The following DST variants were observed in gnomAD, a reference collection of about 807,000 sequenced individuals.
The protein encoded by DST is dystonin, also known as bullous pemphigoid antigen.
A neutral mutation model predicts 875.2 loss-of-function variants in DST; 253 were observed. The observed-to-expected ratio is 0.29, with a 90% CI of 0.26 to 0.32. DST has a LOEUF of 0.32. DST is among the 10% of genes least tolerant of loss of function. DST has a pLI of 1.00. For synonymous variants in DST, 3,124 were observed against 3,197.1 expected (o/e 0.98, Z 0.77); for missense variants, 8,287 against 9,111.6 (o/e 0.91, Z 3.68).
chr6:56,785,012 G>GT (rs1250800834), intron 4 of DST, among the ~76,000 whole-genome samples: 1 of 152,160 alleles, frequency 6.6e-6, no homozygotes. Flanking sequence ...GTTTGCCTGG[G>GT]TATCAGCGGC....
chr6:56,720,706 G>T (rs1208715396), intron 5 of DST, among the ~76,000 whole-genome samples: 4 of 152,184 alleles, frequency 2.6e-5, no homozygotes, highest in African/African-American at 7.2e-5. Flanking sequence ...CAAGGCAGAA[G>T]AATTTTTCTT....
intron 3 of DST, among the ~76,000 whole-genome samples, chr6:56,875,558 T>C (rs552905742): frequency 1.7e-4 from 26 of 152,338 alleles, no homozygotes; most frequent in South Asian, 1.4e-3. Context: ...GTTCCAAGCT[T>C]CTTATTTTGG....
intron 36 of DST, chr6:56,618,719 A>G: frequency 6.2e-7 from 1 of 1,613,932 alleles, no homozygotes; most frequent in Non-Finnish European, 8.5e-7. Context: ...AATGCCTGAA[A>G]TATCATTTTC....
At chr6:56,859,684 C>T (rs1265787459) in intron 3 of DST, among the ~76,000 whole-genome samples, 1 of 152,098 alleles carries the variant, frequency 6.6e-6, no homozygotes, top group African/African-American at 2.4e-5. Flanking sequence ...AAAAATATGT[C>T]TTAAGTACCT....
chr6:56,534,950 C>T (rs2096967301), intron 63 of DST, among the ~76,000 whole-genome samples, 172 bp downstream of exon 63: 1 of 152,176 alleles, frequency 6.6e-6, no homozygotes, highest in Non-Finnish European at 1.5e-5. Flanking sequence ...CAAGGCCTGG[C>T]CCATGGTAGA....
At chr6:56,531,047 T>G (rs1246421423) in intron 64 of DST, among the ~76,000 whole-genome samples, 5 of 152,160 alleles carry the variant, frequency 3.3e-5, no homozygotes, top group African/African-American at 1.2e-4. Flanking sequence ...CTATAACATA[T>G]CACAATGCAC....
intron 4 of DST, among the ~76,000 whole-genome samples, chr6:56,778,227 T>C (rs987207776): frequency 6.6e-6 from 1 of 151,936 alleles, no homozygotes; most frequent in Admixed American, 6.6e-5. Context: ...AGCAACACCA[T>C]GAATTAGGAT....
Position 56,482,112 on chromosome 6 carries a change from G to C in DST, c.21469C>G (p.Arg7157Gly), listed in dbSNP as rs758097621. 1.2e-6 allele frequency: 2 copies of C among 1,613,508 alleles called. No individual in the cohort carries two copies. Among genetic ancestry groups the C allele is most frequent in the Non-Finnish European group, 8.5e-7 (1 of 1,179,752 alleles). ...EWLAEAEQTLRFHGVLPDDED... is the reference protein window; with the variant it reads ...EWLAEAEQTLGFHGVLPDDED... Reference sequence around the variant, plus strand: ...TCATCTGGGAGGACACCATGGAAACGCAGGGTTTGCTCCGCCTCAGCCAGC... The same window carrying C: ...TCATCTGGGAGGACACCATGGAAACCCAGGGTTTGCTCCGCCTCAGCCAGC... Residue 7157 changes from arginine to glycine, a missense_variant, in exon 90 of 104, where the codon CGT becomes GGT. Physicochemically the swap from Arg to Gly is moderately radical, Grantham distance 125. Transcript: ENST00000680361.
chr6:56,496,227 A>G (rs565192632), intron 82 of DST, among the ~76,000 whole-genome samples: 3 of 152,296 alleles, frequency 2.0e-5, no homozygotes, highest in African/African-American at 7.2e-5. Flanking sequence ...ATGTCAATAA[A>G]TCCAAAGTAG....
At chr6:56,600,044 C>T (rs984674570) in intron 45 of DST, 25 bp downstream of exon 45, 4 of 1,592,362 alleles carry the variant, frequency 2.5e-6, no homozygotes, top group Non-Finnish European at 3.4e-6. Flanking sequence ...CAACATAGAT[C>T]TGCTGATAGA....
chr6:56,626,143 AG>A (rs745890943), intron 34 of DST, among the ~76,000 whole-genome samples: 11 of 152,128 alleles, frequency 7.2e-5, no homozygotes, highest in Admixed American at 3.3e-4. Flanking sequence ...AATGTAAAAA[AG>A]TTACAGTAAG....
chr6:56,704,681 A>G (rs112823565), intron 5 of DST, among the ~76,000 whole-genome samples: 2 of 152,310 alleles, frequency 1.3e-5, no homozygotes, highest in Non-Finnish European at 2.9e-5. Flanking sequence ...GACTTTATTC[A>G]TGATTCCCGA....
chr6:56,839,565 C>T (rs188454879), intron 4 of DST, among the ~76,000 whole-genome samples: 2 of 152,194 alleles, frequency 1.3e-5, no homozygotes, highest in South Asian at 4.2e-4. Flanking sequence ...ATCCTGGAAG[C>T]CAAATGAAAA....
chr6:56,551,841 T>C (rs1459629106), intron 61 of DST, among the ~76,000 whole-genome samples: 1 of 152,128 alleles, frequency 6.6e-6, no homozygotes. Context: ...AAGATAAACA[T>C]CTGCAATAGA....
At chr6:56,812,109 A>AAAAAGAAAAGAAAAG (rs745473203) in intron 4 of DST, among the ~76,000 whole-genome samples, 15,584 of 111,306 alleles carry the variant, frequency 0.14, 1,492 homozygotes, top group East Asian at 0.25. Flanking sequence ...CTCAAAAAAA[A>AAAAAGAAAAGAAAAG]AAAAGAAAAG....
intron 10 of DST, among the ~76,000 whole-genome samples, chr6:56,652,266 T>C (rs756851451): frequency 2.0e-5 from 3 of 152,168 alleles, no homozygotes; most frequent in Non-Finnish European, 2.9e-5. Context: ...TGGCAAAATA[T>C]GGACATTGGA....
intron 36 of DST, chr6:56,618,294 ATC>A (rs1563225818): frequency 1.1e-5 from 17 of 1,614,096 alleles, no homozygotes; most frequent in Non-Finnish European, 1.4e-5. Flanking sequence ...TCTTGAGTCC[ATC>A]TCAACAGAGG....
At chr6:56,650,143 C>T (rs1452545940) in intron 12 of DST, among the ~76,000 whole-genome samples, 1 of 151,776 alleles carries the variant, frequency 6.6e-6, no homozygotes, top group Non-Finnish European at 1.5e-5. Context: ...AAAGGGAGCT[C>T]CTAATCCAGG....
chr6:56,593,719 C>T lies in DST; in HGVS notation c.12670G>A (p.Glu4224Lys). The change falls in exon 48 of 104, where the codon GAA (glutamate) becomes AAA (lysine). Residue 4224 changes from glutamate (E) to lysine (K), a missense_variant. By Grantham distance (56) the Glu-to-Lys change is moderately conservative (BLOSUM62 1). This residue lies in a region of DST where 1,513 missense variants were observed against 1,677.8 expected (regional missense o/e 0.90). Coordinates refer to ENST00000680361, the MANE Select transcript of DST (RefSeq NM_001374736.1). Reference protein sequence around the residue: ...GKVDTSATHREVQRKLDHATD... With the variant: ...GKVDTSATHRKVQRKLDHATD... ...GCATGATCCAACTTGCGCTGCACTT[C>T]TCTGTGGGTTGCAGAAGTATCAACC... The T allele has an allele frequency of 6.2e-7, 1 of 1,613,568 alleles. No homozygotes were observed. Among genetic ancestry groups the T allele is most frequent in the Non-Finnish European group, 8.5e-7 (1 of 1,179,626 alleles).
Sources: gnomAD v4.1 joint callset for allele counts (sites outside exome capture counted in the v4.1 genomes callset) on GRCh38, gnomAD v4.1.1 for gene constraint, gnomAD v4.1.1 regional missense constraint, MANE v1.5 for transcripts, NCBI Gene and HGNC (gene_info 2026-07-23, HGNC 2026-07-21) for gene names.